ADARB2: variants seen among roughly 807,000 people sequenced by gnomAD.
ADARB2 encodes the protein inactive double-stranded RNA-specific editase B2.
ADARB2 carries 25 observed loss-of-function variants against 62.2 expected under a neutral mutation model. The ratio of observed to expected loss-of-function variants is 0.40; its 90% CI spans 0.29 to 0.56. The LOEUF is 0.56. ADARB2 is among the 20% of genes least tolerant of loss of function. The pLI is 0.43. For missense variants in ADARB2, 1,071 were observed against 1,077.4 expected (o/e 0.99, Z 0.08); for synonymous variants, 572 against 500.8 (o/e 1.14, Z -1.90).
At chr10:1,440,168 G>A (rs1830887329) in intron 1 of ADARB2, among the ~76,000 whole-genome samples, 1 of 152,002 alleles carries the variant, frequency 6.6e-6, no homozygotes, top group African/African-American at 2.4e-5. Context: ...TTCACTATGG[G>A]GCTTCTGAGT....
At chr10:1,330,187 C>T (rs1831916048) in intron 3 of ADARB2, among the ~76,000 whole-genome samples, 1 of 152,088 alleles carries the variant, frequency 6.6e-6, no homozygotes, top group South Asian at 2.1e-4. Flanking sequence ...ATGGGCCGTC[C>T]TAGGGTGTTG....
intron 2 of ADARB2, among the ~76,000 whole-genome samples, chr10:1,368,584 T>G (rs184427872): frequency 5.1e-4 from 78 of 152,230 alleles, no homozygotes; most frequent in African/African-American, 1.8e-3. Context: ...TGAGAGGAGT[T>G]TTTGAGGGAG....
intron 1 of ADARB2, among the ~76,000 whole-genome samples, chr10:1,470,084 G>GCCTGCCCCTCTCCCAGGGTCATCTGA (rs1831301547): frequency 1.3e-5 from 2 of 149,192 alleles, no homozygotes; most frequent in Non-Finnish European, 3.0e-5. Context: ...AGGTCATCCA[G>GCCTGCCCCTCTCCCAGGGTCATCTGA]CCTGACCCTC....
intron 3 of ADARB2, among the ~76,000 whole-genome samples, chr10:1,283,901 A>C (rs1198926452): frequency 1.3e-5 from 2 of 152,238 alleles, no homozygotes; most frequent in Non-Finnish European, 2.9e-5. Context: ...TTAAATGATC[A>C]TAAAAACTTA....
At chr10:1,703,980 G>A (rs1834855712) in intron 1 of ADARB2, among the ~76,000 whole-genome samples, 1 of 152,236 alleles carries the variant, frequency 6.6e-6, no homozygotes, top group African/African-American at 2.4e-5. Flanking sequence ...ATTGATTTTA[G>A]TTTGTTTATT....
At chr10:1,547,624 C>A (rs1421545209) in intron 1 of ADARB2, among the ~76,000 whole-genome samples, 7 of 59,472 alleles carry the variant, frequency 1.2e-4, no homozygotes, top group African/African-American at 3.6e-4. Flanking sequence ...AGAGGCTGCA[C>A]TGGCGTATGC....
At chr10:1,655,595 C>T (rs539187684) in intron 1 of ADARB2, among the ~76,000 whole-genome samples, 6 of 152,194 alleles carry the variant, frequency 3.9e-5, no homozygotes, top group Admixed American at 2.0e-4. Flanking sequence ...TTCAAACATT[C>T]TATGCTCTAG....
At chr10:1,278,330 T>C (rs913664757) in intron 3 of ADARB2, among the ~76,000 whole-genome samples, 2 of 151,382 alleles carry the variant, frequency 1.3e-5, no homozygotes, top group Non-Finnish European at 2.9e-5. Flanking sequence ...TTGGGTTCAG[T>C]GGGTACATGT....
At chr10:1,243,486 T>G (rs113739315) in intron 4 of ADARB2, among the ~76,000 whole-genome samples, 1 of 147,362 alleles carries the variant, frequency 6.8e-6, no homozygotes, top group Non-Finnish European at 1.5e-5. Context: ...TCATGAGCGC[T>G]TCTCGCTTCT....
intron 1 of ADARB2, among the ~76,000 whole-genome samples, chr10:1,464,104 C>A (rs946140864): frequency 3.1e-4 from 42 of 137,538 alleles, no homozygotes; most frequent in African/African-American, 9.4e-4. Flanking sequence ...GCAGTCACAG[C>A]GGGCAGTGTG....
In ADARB2 at chr10:1,482,820, G is replaced by C. The variant is rs369574384; in HGVS notation, c.101-103660C>G. 4.6e-5 allele frequency among the ~76,000 whole-genome samples: 7 copies of C among 152,078 alleles called. No homozygotes were observed. The South Asian group carries it at 6.3e-4, about 14-fold the overall frequency. On this transcript the variant is annotated intron_variant, in intron 1 of 9. Transcript: ENST00000381312. ...CTCGTGCAGGACCCTTCTTCCATCT[G>C]TGTTCTAGGTTTCTCGGGGGCCATG...
chr10:1,660,989 A>G (rs770826418), intron 1 of ADARB2, among the ~76,000 whole-genome samples: 1 of 152,090 alleles, frequency 6.6e-6, no homozygotes, highest in Non-Finnish European at 1.5e-5. Flanking sequence ...AAACATGCCA[A>G]CCCTGAGATA....
chr10:1,215,500 A>T (rs1400373119), intron 7 of ADARB2, among the ~76,000 whole-genome samples: 1 of 152,122 alleles, frequency 6.6e-6, no homozygotes, highest in African/African-American at 2.4e-5. Context: ...CTTCCTGCAC[A>T]TCCTGGGGAC....
chr10:1,382,205 TTC>T (rs1174151209), intron 1 of ADARB2, among the ~76,000 whole-genome samples: 1 of 152,246 alleles, frequency 6.6e-6, no homozygotes, highest in East Asian at 1.9e-4. Flanking sequence ...ATCCTGTATT[TTC>T]TCTGACACTC....
chr10:1,363,325 C>A lies in ADARB2; in HGVS notation c.780G>T (p.Ala260=). ...CGGGGGTCGGGCCCACCAGGTCCAG[C>A]GCGCGGCACAGCAGCCGCCGTCGCC... ...AYGRRRLLCR[A]LDLVGPTPAT... Residue 260 remains alanine (A), a synonymous_variant, in exon 3 of 10, where the codon GCG becomes GCT. Coordinates refer to ENST00000381312, the MANE Select transcript of ADARB2 (RefSeq NM_018702.4). The A allele has an allele frequency of 3.2e-6, 4 of 1,235,722 alleles. No individual in the cohort carries two copies. Among genetic ancestry groups the A allele is most frequent in the South Asian group, 3.4e-5 (1 of 29,454 alleles). 76.5% of individuals were successfully genotyped at this position (1,235,722 alleles called of 1,614,324 possible).
intron 1 of ADARB2, among the ~76,000 whole-genome samples, chr10:1,672,710 G>A (rs779209823): frequency 1.2e-4 from 10 of 86,782 alleles, no homozygotes; most frequent in Non-Finnish European, 2.6e-4. Context: ...CAGGCCCCCC[G>A]CCTGCCTCCT....
chr10:1,488,905 A>T (rs1831585685), intron 1 of ADARB2, among the ~76,000 whole-genome samples: 1 of 152,208 alleles, frequency 6.6e-6, no homozygotes, highest in Non-Finnish European at 1.5e-5. Context: ...ATGGGAACAC[A>T]TTCCGATCTG....
chr10:1,617,158 G>T (rs1423451208), intron 1 of ADARB2, among the ~76,000 whole-genome samples: 14 of 130,002 alleles, frequency 1.1e-4, no homozygotes, highest in African/African-American at 3.5e-4. Flanking sequence ...TGCATCCTGG[G>T]AACTGGCCTC....
intron 8 of ADARB2, chr10:1,199,614 T>G: frequency 9.3e-6 from 2 of 215,158 alleles, no homozygotes; most frequent in Non-Finnish European, 8.8e-6. Flanking sequence ...TCGCCTCCTG[T>G]GGGCGGCCAG....
Sources: gnomAD v4.1 joint callset for allele counts (sites outside exome capture counted in the v4.1 genomes callset) on GRCh38, gnomAD v4.1.1 for gene constraint, MANE v1.5 for transcripts, NCBI Gene and HGNC (gene_info 2026-07-23, HGNC 2026-07-21) for gene names.